The following GPC3 variants were observed in gnomAD, a reference collection of about 807,000 sequenced individuals.
GPC3 encodes glypican-3.
Under a neutral mutation model 34.4 loss-of-function variants are expected in GPC3, and 3 were observed. That is an observed-to-expected ratio of 0.09 (90% CI 0.04 to 0.23). The LOEUF (loss-of-function observed/expected upper bound fraction) is 0.23, where lower values mean the gene tolerates loss of function less well. Among genes scored for constraint, GPC3 ranks in the 10% least tolerant of loss-of-function variants. The probability of loss-of-function intolerance (pLI) is 1.00; values close to 1 mark genes in which losing one functional copy is unlikely to be tolerated. For missense variants in GPC3, 351 were observed against 445.6 expected (o/e 0.79, Z 1.91); for synonymous variants, 177 against 174.0 (o/e 1.02, Z -0.13).
At chrX:133,896,428 C>T (rs1168411064) in intron 2 of GPC3, among the ~76,000 whole-genome samples, 1 of 109,842 alleles carries the variant, frequency 9.1e-6, no homozygotes, top group African/African-American at 3.3e-5. Flanking sequence ...CCAACTAAAA[C>T]TCAAGTTCCA....
chrX:133,670,050 G>A (rs903148080), intron 5 of GPC3, among the ~76,000 whole-genome samples: 1 of 111,967 alleles, frequency 8.9e-6, no homozygotes, highest in African/African-American at 3.2e-5. Flanking sequence ...GGACATCTGG[G>A]CATGCTTGTC....
intron 5 of GPC3, among the ~76,000 whole-genome samples, chrX:133,678,674 G>A (rs1166799604): frequency 8.9e-6 from 1 of 111,913 alleles, no homozygotes; most frequent in Non-Finnish European, 1.9e-5. Context: ...AGAGAGCAGG[G>A]CACTGCTGCT....
intron 2 of GPC3, among the ~76,000 whole-genome samples, chrX:133,870,195 G>A (rs769102135): frequency 8.9e-6 from 1 of 111,814 alleles, no homozygotes; most frequent in Non-Finnish European, 1.9e-5. Flanking sequence ...GGAATGAATG[G>A]TCAAAAAATT....
chrX:133,712,124 GAGATTAGA>G (rs753503034), intron 3 of GPC3, among the ~76,000 whole-genome samples: 1 of 112,114 alleles, frequency 8.9e-6, no homozygotes, highest in African/African-American at 3.2e-5. Flanking sequence ...TTTGAAAAAG[GAGATTAGA>G]AGACTTACTT....
At chrX:133,562,348 T>C (rs1209538415) in intron 7 of GPC3, among the ~76,000 whole-genome samples, 1 of 111,279 alleles carries the variant, frequency 9.0e-6, no homozygotes, top group Non-Finnish European at 1.9e-5. Context: ...ATAAATGACC[T>C]GGCTGGGCAC....
intron 3 of GPC3, among the ~76,000 whole-genome samples, chrX:133,712,350 T>C (rs1345354305): frequency 8.9e-6 from 1 of 112,047 alleles, no homozygotes; most frequent in Non-Finnish European, 1.9e-5. Flanking sequence ...AAAGAACATT[T>C]TGGAATAGGA....
chrX:133,952,961 A>C (rs2076399549), intron 2 of GPC3, 89 bp downstream of exon 2: 1 of 823,258 alleles, frequency 1.2e-6, no homozygotes, highest in Non-Finnish European at 1.8e-6. Context: ...TGGAATGGTA[A>C]TTTATAAATT....
chrX:133,717,613 A>T (rs1363837367), intron 3 of GPC3, among the ~76,000 whole-genome samples: 1 of 110,513 alleles, frequency 9.0e-6, no homozygotes, highest in African/African-American at 3.3e-5. Flanking sequence ...TCTCACGAGG[A>T]CCCCCTTAGA....
At chrX:133,922,140 T>C (rs1273422535) in intron 2 of GPC3, among the ~76,000 whole-genome samples, 2 of 112,629 alleles carry the variant, frequency 1.8e-5, no homozygotes, top group African/African-American at 3.2e-5. Flanking sequence ...TGAAACAGCC[T>C]GGATTCCCTG....
chrX:133,646,302 T>G (rs1184056334), intron 6 of GPC3, among the ~76,000 whole-genome samples: 2 of 111,340 alleles, frequency 1.8e-5, no homozygotes, highest in South Asian at 7.6e-4. Context: ...AGTTCAGGCC[T>G]AGTGATGTCA....
At chrX:133,757,244 T>C (rs935136228) in intron 2 of GPC3, among the ~76,000 whole-genome samples, 1 of 111,899 alleles carries the variant, frequency 8.9e-6, no homozygotes, top group African/African-American at 3.2e-5. Flanking sequence ...ATACATGTCC[T>C]AATATAGCAA....
chrX:133,976,030 A>G (rs143437276), intron 1 of GPC3, among the ~76,000 whole-genome samples: 1 of 111,848 alleles, frequency 8.9e-6, no homozygotes, highest in African/African-American at 3.2e-5. Context: ...AACAAGGATA[A>G]CATCTGTGTA....
At chrX:133,855,127 A>G (rs1410174735) in intron 2 of GPC3, among the ~76,000 whole-genome samples, 1 of 111,077 alleles carries the variant, frequency 9.0e-6, no homozygotes, top group Non-Finnish European at 1.9e-5. Flanking sequence ...ATTTTGGTGG[A>G]TATTCCAGAT....
chrX:133,779,914 T>C, intron 2 of GPC3, among the ~76,000 whole-genome samples: 1 of 111,607 alleles, frequency 9.0e-6, no homozygotes, highest in Non-Finnish European at 1.9e-5. Context: ...AATAGGAGCA[T>C]GGTGAACTAA....
At chrX:133,595,899 G>A (rs1386377007) in intron 7 of GPC3, among the ~76,000 whole-genome samples, 1 of 111,836 alleles carries the variant, frequency 8.9e-6, no homozygotes, top group Non-Finnish European at 1.9e-5. Flanking sequence ...TAGACATAAC[G>A]TCCTAAGAAA....
At chrX:133,714,472 C>G (rs1367228236) in intron 3 of GPC3, among the ~76,000 whole-genome samples, 2 of 110,888 alleles carry the variant, frequency 1.8e-5, no homozygotes, top group Non-Finnish European at 3.8e-5. Flanking sequence ...ATAACTCCAT[C>G]GACATCTCTT....
chrX:133,618,823 G>GA (rs2070196851), intron 6 of GPC3, among the ~76,000 whole-genome samples: 3 of 110,267 alleles, frequency 2.7e-5, no homozygotes, highest in Admixed American at 1.9e-4. Flanking sequence ...AATGGCCAAA[G>GA]AAAAAATAGA....
At position 133,599,487 on chromosome X, in the gene GPC3, T is replaced by A. The variant is rs188567098; in HGVS notation, c.1414-2888A>T. On this transcript the variant is annotated intron_variant, in intron 6 of 7. Transcript: ENST00000370818. ...CTGCTTTTGAACCATTGTGCAAATA[T>A]CAACACAGGGGAAAAGACAAATAAC... 2.9e-3 allele frequency among the ~76,000 whole-genome samples: 322 copies of A among 111,658 alleles called. 1 individual carries two copies. The highest frequency in any genetic ancestry group is 9.9e-3 in the African/African-American group (304 of 30,771).
At chrX:133,566,587 T>A (rs968071678) in intron 7 of GPC3, among the ~76,000 whole-genome samples, 5 of 112,117 alleles carry the variant, frequency 4.5e-5, no homozygotes, top group African/African-American at 1.6e-4. Flanking sequence ...CTGAAAAACC[T>A]ACAAAGATCA....
Sources: gnomAD v4.1 joint callset for allele counts (sites outside exome capture counted in the v4.1 genomes callset) on GRCh38, gnomAD v4.1.1 for gene constraint, MANE v1.5 for transcripts, NCBI Gene and HGNC (gene_info 2026-07-23, HGNC 2026-07-21) for gene names.